The following TBC1D19 variants were observed in gnomAD, a reference collection of about 807,000 sequenced individuals.
TBC1D19 encodes the protein TBC1 domain family member 19.
In TBC1D19, 60 loss-of-function variants were observed where a neutral mutation model predicts 89.0. The observed-to-expected ratio is 0.67, with a 90% CI of 0.55 to 0.84. The LOEUF (loss-of-function observed/expected upper bound fraction) is 0.84, where lower values mean the gene tolerates loss of function less well. Among genes scored for constraint, TBC1D19 ranks in the 40% least tolerant of loss-of-function variants. TBC1D19 has a pLI of 0.00. For synonymous variants in TBC1D19, 189 were observed against 199.7 expected (o/e 0.95, Z 0.45); for missense variants, 500 against 610.8 (o/e 0.82, Z 1.91).
intron 5 of TBC1D19, 115 bp downstream of exon 5, chr4:26,637,400 T>C: frequency 1.2e-6 from 1 of 812,684 alleles, no homozygotes; most frequent in Non-Finnish European, 1.8e-6. Context: ...AGAGACAGAG[T>C]CTTGCTCTGT....
chr4:26,658,401 G>A (rs990441086), intron 7 of TBC1D19, among the ~76,000 whole-genome samples: 1 of 152,152 alleles, frequency 6.6e-6, no homozygotes. Flanking sequence ...GGTTGTAGAT[G>A]TGTGGTGTTG....
At chr4:26,593,570 A>C in intron 1 of TBC1D19, among the ~76,000 whole-genome samples, 1 of 152,210 alleles carries the variant, frequency 6.6e-6, no homozygotes, top group East Asian at 1.9e-4. Context: ...GAATGGGAGA[A>C]AATTTTTGCA....
chr4:26,672,556 G>A (rs546682873), intron 10 of TBC1D19, among the ~76,000 whole-genome samples: 6 of 152,130 alleles, frequency 3.9e-5, no homozygotes, highest in Non-Finnish European at 5.9e-5. Flanking sequence ...ATGGGAATAT[G>A]CTCCCGCATC....
At chr4:26,743,824 A>G (rs569274734) in intron 18 of TBC1D19, among the ~76,000 whole-genome samples, 1 of 151,810 alleles carries the variant, frequency 6.6e-6, no homozygotes, top group South Asian at 2.1e-4. Context: ...TGAAATGAAC[A>G]TTGGAGTATA....
chr4:26,640,060 G>A, intron 6 of TBC1D19, 81 bp from the exon 7 acceptor site: 3 of 977,254 alleles, frequency 3.1e-6, no homozygotes, highest in South Asian at 2.9e-5. Context: ...ATGATAACAT[G>A]TGAAAGAATG....
intron 1 of TBC1D19, among the ~76,000 whole-genome samples, chr4:26,608,751 T>G (rs1741161166): frequency 6.6e-6 from 1 of 152,064 alleles, no homozygotes; most frequent in Admixed American, 6.6e-5. Flanking sequence ...CTTTTAAAAA[T>G]CTTTTCTAGG....
At chr4:26,844,892 G>A in the TBC1D19 span, among the ~76,000 whole-genome samples, 1 of 152,170 alleles carries the variant, frequency 6.6e-6, no homozygotes, top group Non-Finnish European at 1.5e-5. Context: ...ATAAACCACA[G>A]TTCAGATTGG....
At chr4:26,851,354 TATCTATC>T in the TBC1D19 span, among the ~76,000 whole-genome samples, 2 of 147,958 alleles carry the variant, frequency 1.4e-5, no homozygotes, top group African/African-American at 2.5e-5. Context: ...TCTATCTATC[TATCTATC>T]ATCTATCCAT....
chr4:26,655,800 C>T (rs536980257), intron 7 of TBC1D19, among the ~76,000 whole-genome samples: 24 of 152,338 alleles, frequency 1.6e-4, no homozygotes, highest in Non-Finnish European at 5.9e-5. Context: ...AAAGGGAATT[C>T]CCTGACCCCT....
intron 19 of TBC1D19, among the ~76,000 whole-genome samples, chr4:26,752,619 G>A (rs758371775): frequency 1.1e-3 from 160 of 152,194 alleles, no homozygotes; most frequent in Non-Finnish European, 8.5e-4. Flanking sequence ...ACCATCACTG[G>A]TGATGGAGAG....
chr4:26,835,052 A>C, the TBC1D19 span, among the ~76,000 whole-genome samples: 7,072 of 152,306 alleles, frequency 0.046, 304 homozygotes, highest in East Asian at 0.17. Context: ...AAATTTGTGA[A>C]TATGTTGTCT....
Position 26,642,013 on chromosome 4 carries a change from A to G in TBC1D19, c.480+1826A>G, listed in dbSNP as rs369000852. ...CAAGCTGGAAAACACTCTTCAGGAT[A>G]TTATCCAGGAGAACTTCCCTAACTA... On this transcript the variant is annotated intron_variant, in intron 7 of 20. Coordinates refer to ENST00000264866, the MANE Select transcript of TBC1D19 (RefSeq NM_018317.4). Among the ~76,000 whole-genome samples, 8 of 152,238 alleles carry G rather than the reference A, an allele frequency of 5.3e-5. No homozygotes were observed. The East Asian group carries it at 1.5e-3, about 29-fold the overall frequency.
At position 26,718,070 on chromosome 4, in the gene TBC1D19, G is replaced by A. The variant is rs543172609; in HGVS notation, c.1039+53G>A. 4.0e-4 allele frequency: 547 copies of A among 1,378,614 alleles called. 3 individuals carry two copies. In the Middle Eastern group the frequency reaches 5.1e-3, roughly 13 times the overall value. The allele number at this position is 1,378,614 out of a possible 1,614,324, so 85.4% of individuals were successfully genotyped here. A position where few individuals can be genotyped will look rare whatever the true frequency, so the allele number is the denominator to read the frequency against. On this transcript the variant is annotated intron_variant, in intron 14 of 20. Transcript: ENST00000264866. ...ATTAAGACTTACATAATCATGCCAA[G>A]AATATTTGTTTTATTTTTGGAGATA...
At chr4:26,771,793 G>A in the TBC1D19 span, among the ~76,000 whole-genome samples, 4 of 152,082 alleles carry the variant, frequency 2.6e-5, no homozygotes, top group East Asian at 7.7e-4. Context: ...TGTTCAAAGG[G>A]TATGTCTCAT....
At chr4:26,673,446 TACACAC>T (rs61054571) in intron 10 of TBC1D19, among the ~76,000 whole-genome samples, 2 of 90,884 alleles carry the variant, frequency 2.2e-5, no homozygotes, top group South Asian at 4.5e-4. Flanking sequence ...TATATATATA[TACACAC>T]ACACACACAC....
chr4:26,682,068 C>T (rs1465808625), intron 11 of TBC1D19, among the ~76,000 whole-genome samples: 2 of 152,058 alleles, frequency 1.3e-5, no homozygotes, highest in Non-Finnish European at 2.9e-5. Context: ...GATTGTTTCA[C>T]TTGTTTTAAT....
upstream of TBC1D19, among the ~76,000 whole-genome samples, chr4:26,581,569 C>G (rs531868652): frequency 6.6e-6 from 1 of 152,158 alleles, no homozygotes; most frequent in South Asian, 2.1e-4. Context: ...TTTATGGCTG[C>G]GTAGTATTCC....
At chr4:26,841,382 T>C in the TBC1D19 span, among the ~76,000 whole-genome samples, 1 of 65,504 alleles carries the variant, frequency 1.5e-5, no homozygotes, top group Non-Finnish European at 3.1e-5. Flanking sequence ...TGAGACTCTG[T>C]CTCAAAAAAA....
chr4:26,792,105 A>T, the TBC1D19 span, among the ~76,000 whole-genome samples: 1 of 152,308 alleles, frequency 6.6e-6, no homozygotes, highest in African/African-American at 2.4e-5. Context: ...ATGTCCTGGA[A>T]GTCAATGAAG....
Sources: allele counts gnomAD v4.1 joint callset (sites outside exome capture counted in the v4.1 genomes callset), GRCh38; gene constraint gnomAD v4.1.1; transcripts MANE v1.5; gene names NCBI Gene and HGNC (gene_info 2026-07-23, HGNC 2026-07-21).